Variants in IFT43 observed in about 807,000 individuals in gnomAD.
The protein encoded by IFT43 is intraflagellar transport 43.
A neutral mutation model predicts 32.3 loss-of-function variants in IFT43; 33 were observed. The observed-to-expected ratio is 1.02, with a 90% CI of 0.77 to 1.37. IFT43 has a LOEUF of 1.37. Ranked by LOEUF, IFT43 falls within the 40% of genes most tolerant of loss-of-function variation. The pLI is 0.00. For missense variants in IFT43, 274 were observed against 265.9 expected, an observed-to-expected ratio of 1.03 and a Z score of -0.21; for synonymous variants, 93 against 98.2, an observed-to-expected ratio of 0.95 and a Z score of 0.31.
intron 3 of IFT43, chr14:76,058,229 C>T (rs781415524): frequency 2.3e-5 from 6 of 264,004 alleles, no homozygotes; most frequent in Non-Finnish European, 3.7e-5. Flanking sequence ...GAGGCGAGGA[C>T]ATCCCTTTTT....
At chr14:76,037,014 G>A (rs1414793058) in intron 3 of IFT43, among the ~76,000 whole-genome samples, 1 of 152,194 alleles carries the variant, frequency 6.6e-6, no homozygotes, top group Non-Finnish European at 1.5e-5. Flanking sequence ...TTTTTGGAGA[G>A]ACAAGGTCTT....
chr14:75,992,275 A>G (rs933700935), intron 2 of IFT43, among the ~76,000 whole-genome samples: 5 of 152,218 alleles, frequency 3.3e-5, no homozygotes, highest in African/African-American at 1.2e-4. Flanking sequence ...TATCTGTCAA[A>G]TAGTGATAGT....
At chr14:76,054,575 C>T (rs1324521419) in intron 3 of IFT43, among the ~76,000 whole-genome samples, 1 of 152,236 alleles carries the variant, frequency 6.6e-6, no homozygotes, top group Non-Finnish European at 1.5e-5. Flanking sequence ...TTTTCCTCTT[C>T]TCCAGAACTC....
chr14:76,026,882 C>A (rs927928933), intron 3 of IFT43, among the ~76,000 whole-genome samples: 1 of 152,034 alleles, frequency 6.6e-6, no homozygotes, highest in African/African-American at 2.4e-5. Flanking sequence ...ACATATACAC[C>A]ATGGAATAGT....
At chr14:76,016,986 C>G (rs1409653364) in intron 2 of IFT43, among the ~76,000 whole-genome samples, 3 of 152,122 alleles carry the variant, frequency 2.0e-5, no homozygotes, top group Non-Finnish European at 4.4e-5. Flanking sequence ...ATCATATCAT[C>G]TGCAAAGAGG....
At chr14:76,004,521 CT>C (rs2035947353) in intron 2 of IFT43, among the ~76,000 whole-genome samples, 1 of 151,800 alleles carries the variant, frequency 6.6e-6, no homozygotes, top group Non-Finnish European at 1.5e-5. Context: ...TGATTTTTTT[CT>C]GTTTAGGATT....
intron 5 of IFT43, among the ~76,000 whole-genome samples, chr14:76,076,941 G>A (rs139187480): frequency 7.4e-4 from 112 of 151,880 alleles, no homozygotes; most frequent in African/African-American, 2.6e-3. Context: ...TCTGCTGAAC[G>A]ATTTTTTGGG....
At chr14:75,989,351 G>C (rs1371052339) in intron 2 of IFT43, among the ~76,000 whole-genome samples, 1 of 152,002 alleles carries the variant, frequency 6.6e-6, no homozygotes, top group African/African-American at 2.4e-5. Flanking sequence ...TGCTCTCGGT[G>C]GTGACCTGCG....
intron 5 of IFT43, among the ~76,000 whole-genome samples, chr14:76,077,546 C>CA (rs2037433150): frequency 6.6e-6 from 1 of 152,122 alleles, no homozygotes; most frequent in Non-Finnish European, 1.5e-5. Context: ...ATCCAGGGGG[C>CA]AGACTTGGGG....
At chr14:75,986,385 A>G in intron 1 of IFT43, 1 of 864,132 alleles carries the variant, frequency 1.2e-6, no homozygotes, top group Non-Finnish European at 1.5e-6. Flanking sequence ...TTGTAACGTG[A>G]GGGAGTGATT....
chr14:76,060,042 A>C (rs79359105), intron 5 of IFT43, among the ~76,000 whole-genome samples: 92 of 152,300 alleles, frequency 6.0e-4, no homozygotes, highest in African/African-American at 2.2e-3. Context: ...CATAGTAGTT[A>C]GTTAATGGCT....
rs190677223 is a variant in IFT43, at chr14:76,061,149, G to A, written c.295+1776G>A. ...ACTCCTGACCTCAAGTGATCCACCC[G>A]CTGTAATAGGTGTGAGCCACCTCGC... On this transcript the variant is annotated intron_variant, in intron 5 of 8. Transcript: ENST00000314067. Among the ~76,000 whole-genome samples, 6 of 152,158 alleles carry A rather than the reference G, an allele frequency of 3.9e-5. No homozygotes were observed. In the East Asian group the frequency reaches 5.8e-4, roughly 15 times the overall value.
chr14:76,028,043 A>G (rs1408274243), intron 3 of IFT43, among the ~76,000 whole-genome samples: 2 of 151,962 alleles, frequency 1.3e-5, no homozygotes, highest in Non-Finnish European at 2.9e-5. Flanking sequence ...ATTCTTCATG[A>G]TAAGATTCAA....
At chr14:76,053,912 T>C (rs889191465) in intron 3 of IFT43, among the ~76,000 whole-genome samples, 44 of 152,202 alleles carry the variant, frequency 2.9e-4, no homozygotes, top group African/African-American at 1.0e-3. Context: ...AATTTCAGGA[T>C]CACTCAGGAA....
intron 4 of IFT43, chr14:76,059,008 T>G (rs1275613761): frequency 2.1e-6 from 3 of 1,425,948 alleles, no homozygotes; most frequent in Non-Finnish European, 2.7e-6. Context: ...TCATAAGACT[T>G]ATATCAGAAA....
At chr14:76,068,481 GAC>G (rs1301648088) in intron 5 of IFT43, among the ~76,000 whole-genome samples, 2 of 152,198 alleles carry the variant, frequency 1.3e-5, no homozygotes, top group East Asian at 3.8e-4. Flanking sequence ...AACTATAGCT[GAC>G]ACAATGCTTC....
intron 5 of IFT43, among the ~76,000 whole-genome samples, chr14:76,077,597 T>C (rs2037433870): frequency 6.6e-6 from 1 of 152,196 alleles, no homozygotes; most frequent in African/African-American, 2.4e-5. Flanking sequence ...TAGTGAGGGC[T>C]ACCCTGTGGC....
intron 5 of IFT43, among the ~76,000 whole-genome samples, chr14:76,081,392 C>G (rs1417159937): frequency 1.3e-5 from 2 of 152,206 alleles, no homozygotes; most frequent in Non-Finnish European, 2.9e-5. Context: ...CTTGCACCAT[C>G]CCTCCCTTCT....
intron 3 of IFT43, among the ~76,000 whole-genome samples, chr14:76,055,360 G>A (rs1466355906): frequency 2.0e-5 from 3 of 150,300 alleles, no homozygotes; most frequent in Non-Finnish European, 3.0e-5. Context: ...AAAAAAAAAA[G>A]TAAATTAATA....
Sources: gnomAD v4.1 joint callset for allele counts (sites outside exome capture counted in the v4.1 genomes callset) on GRCh38, gnomAD v4.1.1 for gene constraint, MANE v1.5 for transcripts, NCBI Gene and HGNC (gene_info 2026-07-23, HGNC 2026-07-21) for gene names.